SCN11A: variants seen among roughly 807,000 people sequenced by gnomAD.
The protein encoded by SCN11A is sodium channel protein type 11 subunit alpha.
SCN11A carries 122 observed loss-of-function variants against 162.2 expected under a neutral mutation model. The observed-to-expected ratio is 0.75, with a 90% CI of 0.65 to 0.87. SCN11A has a LOEUF of 0.87. Ranked by LOEUF, SCN11A falls within the 40% of genes least tolerant of loss-of-function variation. The pLI, the probability that SCN11A is intolerant of heterozygous loss-of-function variation, is 0.00. For missense variants in SCN11A, 2,015 were observed against 2,181.6 expected (o/e 0.92, Z 1.52); for synonymous variants, 758 against 751.5 (o/e 1.01, Z -0.14).
At chr3:39,035,087 A>G (rs1034697745) in intron 1 of SCN11A, among the ~76,000 whole-genome samples, 3 of 150,166 alleles carry the variant, frequency 2.0e-5, no homozygotes, top group Non-Finnish European at 4.4e-5. Context: ...TCACAGAAAT[A>G]AAAAAAAATC....
chr3:38,925,482 G>A lies in SCN11A; in HGVS notation c.645C>T (p.Thr215=), dbSNP rs762344797. 30 of 1,613,214 alleles carry A rather than the reference G, an allele frequency of 1.9e-5. No homozygotes were observed. Among genetic ancestry groups the A allele is most frequent in the Non-Finnish European group, 2.5e-5 (29 of 1,179,294 alleles). ...AGGTACGCAGGGGCAATAGTTTGAT[G>A]GTGATTCCTGGAATATATGACACAA... is the stretch of plus-strand genomic sequence containing the variant. ...IAIVSYIPGI[T]IKLLPLRTFR... is the part of the protein sequence containing the mutation. Residue 215 remains threonine, a synonymous_variant, in exon 9 of 30, where the codon ACC becomes ACT. Coordinates refer to ENST00000302328, the MANE Select transcript of SCN11A (RefSeq NM_001349253.2).
Position 38,920,897 on chromosome 3 carries a change from G to C in SCN11A, c.892+179C>G, listed in dbSNP as rs56048904. 0.016 allele frequency among the ~76,000 whole-genome samples: 2,416 copies of C among 152,204 alleles called. 65 individuals carry two copies. Among genetic ancestry groups the C allele is most frequent in the African/African-American group, 0.056 (2,318 of 41,526 alleles). On this transcript the variant is annotated intron_variant, in intron 10 of 29. Coordinates refer to ENST00000302328, the MANE Select transcript of SCN11A (RefSeq NM_001349253.2). Reference sequence around the variant, plus strand: ...TCAAGACTTTCCTTCTCCATAGGAAGCCAAAGAATGAGGCAATTCTCTAGG... The same window carrying C: ...TCAAGACTTTCCTTCTCCATAGGAACCCAAAGAATGAGGCAATTCTCTAGG...
At position 38,945,428 on chromosome 3, in the gene SCN11A, G is replaced by T. The variant is rs559318120; in HGVS notation, c.471C>A (p.Asn157Lys). ...ATACTTACTCTGCAATGTCAGTATTGTTACTGTTGCTGTTTTTAGCAGGCC... is the reference window on the plus strand; with the variant it reads ...ATACTTACTCTGCAATGTCAGTATTTTTACTGTTGCTGTTTTTAGCAGGCC... ...ATGPAKNSNS[N>K]NTDIAECVFT... Residue 157 changes from asparagine (N) to lysine (K), a missense_variant, in exon 7 of 30, where the codon AAC (asparagine) becomes AAA (lysine). Physicochemically the swap from Asn to Lys is moderately conservative, Grantham distance 94 (BLOSUM62 0). Coordinates refer to ENST00000302328, the MANE Select transcript of SCN11A (RefSeq NM_001349253.2). 6.2e-7 allele frequency: 1 copy of T among 1,609,990 alleles called. No homozygotes were observed. Among genetic ancestry groups the T allele is most frequent in the South Asian group, 1.1e-5 (1 of 90,700 alleles).
At chr3:38,862,784 G>A (rs1164343809) in intron 28 of SCN11A, among the ~76,000 whole-genome samples, 1 of 152,028 alleles carries the variant, frequency 6.6e-6, no homozygotes, top group Non-Finnish European at 1.5e-5. Flanking sequence ...TACACACTGG[G>A]TACAGTGTAC....
intron 2 of SCN11A, among the ~76,000 whole-genome samples, chr3:39,002,407 G>T (rs2030843022): frequency 6.6e-6 from 1 of 152,190 alleles, no homozygotes; most frequent in African/African-American, 2.4e-5. Context: ...CATCTTGAAT[G>T]ATTTATACAA....
chr3:38,944,341 T>G (rs1395196082), intron 7 of SCN11A, among the ~76,000 whole-genome samples: 1 of 152,032 alleles, frequency 6.6e-6, no homozygotes, highest in African/African-American at 2.4e-5. Flanking sequence ...CCATTTTTTT[T>G]TTTTTGAGAC....
chr3:39,011,505 G>T (rs2031132942), intron 2 of SCN11A, among the ~76,000 whole-genome samples: 1 of 152,216 alleles, frequency 6.6e-6, no homozygotes, highest in South Asian at 2.1e-4. Flanking sequence ...CTACGTGCCA[G>T]CAGATGGCAT....
chr3:39,029,272 C>T (rs2031683922), intron 2 of SCN11A, among the ~76,000 whole-genome samples: 1 of 151,980 alleles, frequency 6.6e-6, no homozygotes, highest in Admixed American at 6.6e-5. Flanking sequence ...AAACCTTTTC[C>T]AATGTAATAG....
intron 18 of SCN11A, among the ~76,000 whole-genome samples, chr3:38,895,927 TAG>T (rs2065589821): frequency 6.6e-6 from 1 of 152,316 alleles, no homozygotes; most frequent in Admixed American, 6.5e-5. Flanking sequence ...CTATCGTGTG[TAG>T]AGAGTTAATT....
At position 38,926,808 on chromosome 3, in the gene SCN11A, T is replaced by C. The variant is rs767374256; in HGVS notation, c.612A>G (p.Gly204=). 6.2e-7 allele frequency: 1 copy of C among 1,613,658 alleles called. No homozygotes were observed. Among genetic ancestry groups the C allele is most frequent in the South Asian group, 1.1e-5 (1 of 90,960 alleles). ...PWNWLDSIVI[G]IAIVSYIPGI... is the part of the protein sequence containing the mutation. The stretch of plus-strand genomic sequence containing the variant: ...AACATCTTTAATATTCTTACGCTAT[T>C]CCAATGACAATGGAGTCCAGCCAGT... The change falls in exon 8 of 30, where the codon GGA becomes GGG. Residue 204 remains glycine, a synonymous_variant. Coordinates refer to ENST00000302328, the MANE Select transcript of SCN11A (RefSeq NM_001349253.2).
intron 9 of SCN11A, 36 bp from the exon 10 acceptor site, chr3:38,921,291 C>T (rs574291265): frequency 1.3e-6 from 2 of 1,596,260 alleles, no homozygotes; most frequent in Admixed American, 3.4e-5. Flanking sequence ...GAAGCCCATC[C>T]CCCTCAGCCA....
At chr3:38,922,946 G>A (rs2066078371) in intron 9 of SCN11A, among the ~76,000 whole-genome samples, 1 of 152,124 alleles carries the variant, frequency 6.6e-6, no homozygotes, top group African/African-American at 2.4e-5. Flanking sequence ...GAGAAGGTGG[G>A]GGGAAAGGAG....
At chr3:38,847,894 G>C in intron 29 of SCN11A, 152 bp from the exon 30 acceptor site, 1 of 579,616 alleles carries the variant, frequency 1.7e-6, no homozygotes, top group Non-Finnish European at 3.0e-6. Context: ...ACCACTATCA[G>C]GGAAAATACC....
chr3:38,949,339 A>G (rs2066565729), intron 5 of SCN11A, among the ~76,000 whole-genome samples: 1 of 152,208 alleles, frequency 6.6e-6, no homozygotes, highest in Non-Finnish European at 1.5e-5. Flanking sequence ...CTCACTCGGG[A>G]GCCCCTTCAA....
chr3:39,038,706 A>T (rs2031966639), intron 1 of SCN11A, among the ~76,000 whole-genome samples: 1 of 152,240 alleles, frequency 6.6e-6, no homozygotes, highest in Non-Finnish European at 1.5e-5. Context: ...TTCTTCTTCA[A>T]GTTCTGTACT....
chr3:39,048,200 A>G (rs2032231301), intron 1 of SCN11A, among the ~76,000 whole-genome samples: 1 of 152,236 alleles, frequency 6.6e-6, no homozygotes, highest in African/African-American at 2.4e-5. Flanking sequence ...AAAGAATAAA[A>G]TTATGTCATT....
intron 2 of SCN11A, among the ~76,000 whole-genome samples, chr3:38,973,928 C>CA (rs1438838810): frequency 6.6e-6 from 1 of 152,190 alleles, no homozygotes; most frequent in African/African-American, 2.4e-5. Context: ...TGGCAGATGC[C>CA]AACAGGAATT....
chr3:38,963,719 G>A (rs2066762726), intron 2 of SCN11A, among the ~76,000 whole-genome samples: 1 of 151,718 alleles, frequency 6.6e-6, no homozygotes, highest in East Asian at 1.9e-4. Flanking sequence ...TCGGGGAGTC[G>A]GGGGGAAGAG....
chr3:38,947,579 A>G (rs73828736), intron 5 of SCN11A, among the ~76,000 whole-genome samples: 2,422 of 152,314 alleles, frequency 0.016, 66 homozygotes, highest in African/African-American at 0.056. Context: ...AGACCCAGGG[A>G]TGCCAAACAG....
Sources: gnomAD v4.1 joint callset for allele counts (sites outside exome capture counted in the v4.1 genomes callset) on GRCh38, gnomAD v4.1.1 for gene constraint, MANE v1.5 for transcripts, NCBI Gene and HGNC (gene_info 2026-07-23, HGNC 2026-07-21) for gene names.